HLTF: variants seen among roughly 807,000 people sequenced by gnomAD.
The protein encoded by HLTF is helicase like transcription factor, also known as DNA-dependent ATPase/E3 ubiquitin-protein ligase HLTF.
Under a neutral mutation model 129.4 loss-of-function variants are expected in HLTF, and 127 were observed. The observed-to-expected ratio is 0.98, with a 90% confidence interval of 0.85 to 1.14. The LOEUF (loss-of-function observed/expected upper bound fraction) is 1.14, where lower values mean the gene tolerates loss of function less well. Ranked by LOEUF, HLTF falls within the 50% of genes most tolerant of loss-of-function variation. HLTF has a pLI of 0.00. For missense variants in HLTF, 1,139 were observed against 1,187.1 expected (o/e 0.96, Z 0.60); for synonymous variants, 332 against 388.8 (o/e 0.85, Z 1.72).
intron 14 of HLTF, chr3:149,052,011 G>A (rs776210465): frequency 1.6e-4 from 25 of 151,944 alleles, no homozygotes; most frequent in Non-Finnish European, 2.9e-4. Flanking sequence ...AAAATTAGCC[G>A]GGCATGGTGG....
chr3:149,053,161 T>A (rs1309062666), intron 14 of HLTF, among the ~76,000 whole-genome samples: 1 of 152,202 alleles, frequency 6.6e-6, no homozygotes, highest in African/African-American at 2.4e-5. Flanking sequence ...GAAGACGGTA[T>A]CTTGTTCAGA....
At chr3:149,056,461 T>C (rs1717437955) in intron 13 of HLTF, among the ~76,000 whole-genome samples, 2 of 152,160 alleles carry the variant, frequency 1.3e-5, no homozygotes, top group Admixed American at 1.3e-4. Flanking sequence ...TCACACTAAT[T>C]TCAAAATTAA....
At chr3:149,060,389 T>C (rs1717822646) in intron 12 of HLTF, among the ~76,000 whole-genome samples, 2 of 152,192 alleles carry the variant, frequency 1.3e-5, no homozygotes, top group African/African-American at 4.8e-5. Flanking sequence ...ATTTTATAGG[T>C]AGTAGAAAAT....
At chr3:149,068,108 C>T in intron 8 of HLTF, 132 bp downstream of exon 8, 1 of 547,914 alleles carries the variant, frequency 1.8e-6, no homozygotes. Context: ...ATCAGCAACA[C>T]ATAAAAGACA....
chr3:149,085,297 C>T (rs971905329), intron 1 of HLTF, among the ~76,000 whole-genome samples: 2 of 152,278 alleles, frequency 1.3e-5, no homozygotes, highest in East Asian at 3.9e-4. Flanking sequence ...TTGAGACCAA[C>T]CTGGCCAACA....
intron 10 of HLTF, 126 bp from the exon 11 acceptor site, chr3:149,060,984 A>C: frequency 1.5e-6 from 1 of 655,004 alleles, no homozygotes. Flanking sequence ...AAATTTTTTA[A>C]AGATTTTGAC....
rs71135656 is a variant in HLTF at position 149,036,297 on chromosome 3, G to GTTTTTTTTTTTTTTTTTTT, written c.2797-1300_2797-1299insAAAAAAAAAAAAAAAAAAA. 5.6e-5 allele frequency among the ~76,000 whole-genome samples: 6 copies of GTTTTTTTTTTTTTTTTTTT among 107,982 alleles called. 2 individuals are homozygous for GTTTTTTTTTTTTTTTTTTT. The highest frequency in any genetic ancestry group is 2.3e-4 in the Admixed American group (2 of 8,808). The allele number at this position is 107,982 out of a possible 152,430, so 70.8% of individuals were successfully genotyped here. ...TTAAATTTTAAATTAAAACTATGAG[G>GTTTTTTTTTTTTTTTTTTT]TTTTTTTTTTGAGATGGAGTCTCGC... On this transcript the variant is annotated intron_variant, in intron 23 of 24. Transcript: ENST00000310053.
At chr3:149,036,297 G>GTTTTTTTTTTTTTTTTTTTT (rs71135656) in intron 23 of HLTF, among the ~76,000 whole-genome samples, 3 of 107,982 alleles carry the variant, frequency 2.8e-5, no homozygotes, top group African/African-American at 3.8e-5. Flanking sequence ...AAACTATGAG[G>GTTTTTTTTTTTTTTTTTTTT]TTTTTTTTTT....
chr3:149,069,290 G>A (rs1718655705), intron 7 of HLTF, among the ~76,000 whole-genome samples: 2 of 152,016 alleles, frequency 1.3e-5, no homozygotes, highest in Non-Finnish European at 2.9e-5. Flanking sequence ...GGACCAACAC[G>A]GTGAAACCCC....
At chr3:149,063,579 G>A (rs1718131127) in intron 9 of HLTF, 55 bp from the exon 10 acceptor site, 2 of 1,027,598 alleles carry the variant, frequency 1.9e-6, no homozygotes, top group East Asian at 4.8e-5. Flanking sequence ...TTAGAAACTA[G>A]TATTATCCCT....
chr3:149,034,529 T>A (rs1255908056), intron 24 of HLTF, among the ~76,000 whole-genome samples: 1 of 152,148 alleles, frequency 6.6e-6, no homozygotes, highest in African/African-American at 2.4e-5. Flanking sequence ...CACAACAACA[T>A]GAATGTACTT....
At chr3:149,068,104 A>G (rs1718554958) in intron 8 of HLTF, 136 bp downstream of exon 8, 1 of 532,104 alleles carries the variant, frequency 1.9e-6, no homozygotes, top group Non-Finnish European at 3.4e-6. Context: ...TCTTATCAGC[A>G]ACACATAAAA....
At position 149,086,306 on chromosome 3, in the gene HLTF, GC is replaced by G; in HGVS notation, c.20+10del. The G allele has an allele frequency of 6.3e-7, 1 of 1,598,508 alleles. No homozygotes were observed. Among genetic ancestry groups the G allele is most frequent in the African/African-American group, 1.3e-5 (1 of 74,686 alleles). On this transcript the variant is annotated intron_variant, in intron 1 of 24. Coordinates refer to ENST00000310053, the MANE Select transcript of HLTF (RefSeq NM_003071.4). ...TTAGACCGAGCGCCCCACCCCCTCC[GC>G]CCCCTTCACCTCTTGAACATCCAGG...
intron 20 of HLTF, chr3:149,040,363 G>A: frequency 2.2e-6 from 1 of 463,352 alleles, no homozygotes; most frequent in East Asian, 4.2e-5. Flanking sequence ...AAAGGAGGGA[G>A]CAAAAGTATG....
intron 2 of HLTF, among the ~76,000 whole-genome samples, chr3:149,079,604 T>C (rs181117038): frequency 2.4e-4 from 37 of 152,156 alleles, no homozygotes; most frequent in Admixed American, 2.1e-3. Flanking sequence ...TTCTTTGTTG[T>C]TGTTTTTTTG....
At chr3:149,083,478 A>G (rs1387305615) in intron 2 of HLTF, among the ~76,000 whole-genome samples, 2 of 152,176 alleles carry the variant, frequency 1.3e-5, no homozygotes, top group Admixed American at 6.5e-5. Flanking sequence ...ACCATAATCT[A>G]GTATTTCATG....
chr3:149,041,738 G>A (rs1164738306), intron 19 of HLTF, 70 bp from the exon 20 acceptor site: 5 of 1,136,046 alleles, frequency 4.4e-6, no homozygotes, highest in Admixed American at 2.1e-5. Flanking sequence ...TATCTTATAA[G>A]GAAAAGTTTC....
chr3:149,036,828 CG>C (rs1715676837), intron 23 of HLTF, among the ~76,000 whole-genome samples: 2 of 151,994 alleles, frequency 1.3e-5, no homozygotes, highest in African/African-American at 4.8e-5. Flanking sequence ...TTATGTTTCT[CG>C]GACCTGACTT....
intron 23 of HLTF, among the ~76,000 whole-genome samples, chr3:149,038,610 A>T (rs1409625224): frequency 6.6e-6 from 1 of 151,902 alleles, no homozygotes; most frequent in Non-Finnish European, 1.5e-5. Context: ...CCAAGCAATC[A>T]ATCTTTCCGA....
Sources: allele counts gnomAD v4.1 joint callset (sites outside exome capture counted in the v4.1 genomes callset), GRCh38; gene constraint gnomAD v4.1.1; transcripts MANE v1.5; gene names NCBI Gene and HGNC (gene_info 2026-07-23, HGNC 2026-07-21).